Variants in BCAR3 observed in about 807,000 individuals in gnomAD.
BCAR3 encodes the protein breast cancer anti-estrogen resistance protein 3.
In BCAR3, 37 loss-of-function variants were observed where a neutral mutation model predicts 80.1. The observed-to-expected ratio is 0.46, with a 90% CI of 0.36 to 0.61. The LOEUF (loss-of-function observed/expected upper bound fraction) is 0.61, where lower values mean the gene tolerates loss of function less well. Ranked by LOEUF, BCAR3 falls within the 20% of genes least tolerant of loss-of-function variation. The pLI is 0.00. For synonymous variants in BCAR3, 389 were observed against 418.9 expected (o/e 0.93, Z 0.87); for missense variants, 978 against 1,068.2 (o/e 0.92, Z 1.18).
rs573828185 is a variant in BCAR3 at position 93,693,673 on chromosome 1, C to A, written c.-12+12419G>T. On this transcript the variant is annotated intron_variant, in intron 3 of 13. Coordinates refer to the BCAR3 transcript ENST00000370244. ...AGGTGGTCCTTTAAAACACTTTATA[C>A]AAAAATAATATTATACTGTTACCAC... Among the ~76,000 whole-genome samples the A allele has an allele frequency of 1.3e-3, 197 of 152,272 alleles. 4 individuals are homozygous for A. Among genetic ancestry groups the A allele is most frequent in the Non-Finnish European group, 2.2e-4 (15 of 68,010 alleles).
rs1317644525 is a variant in BCAR3, at chr1:93,641,117, C to A, written c.357+1187G>T. Among the ~76,000 whole-genome samples, 4 of 152,324 alleles carry A rather than the reference C, an allele frequency of 2.6e-5. No individual in the cohort carries two copies. The East Asian group carries it at 7.7e-4, about 29-fold the overall frequency. ...CTGCAGGTTTAGGATTATACATTTTCTCCCATGAAAACACAGCTCAGTTGT... is the reference window on the plus strand; with the variant it reads ...CTGCAGGTTTAGGATTATACATTTTATCCCATGAAAACACAGCTCAGTTGT... On this transcript the variant is annotated intron_variant, in intron 3 of 11. Coordinates refer to ENST00000260502, the MANE Select transcript of BCAR3 (RefSeq NM_003567.4).
At position 93,606,927 on chromosome 1, in the gene BCAR3, T is replaced by G. The variant is rs76063665; in HGVS notation, c.358-14534A>C. ...AGTGCTGCAGAGAGTTCCAATCATA[T>G]CAGAATTGGACAGCATCCGCTGCAC... On this transcript the variant is annotated intron_variant, in intron 3 of 11. Transcript: ENST00000260502. 6.9e-3 allele frequency among the ~76,000 whole-genome samples: 1,046 copies of G among 152,242 alleles called. 13 individuals are homozygous for G. The highest frequency in any genetic ancestry group is 0.023 in the African/African-American group (960 of 41,522).
chr1:93,807,654 C>T (rs1653701222), intron 2 of BCAR3, among the ~76,000 whole-genome samples: 1 of 152,148 alleles, frequency 6.6e-6, no homozygotes, highest in Admixed American at 6.5e-5. Context: ...TTTCTTCTCT[C>T]CAGTGGTTAA....
At chr1:93,805,220 G>C (rs569863975) in intron 2 of BCAR3, among the ~76,000 whole-genome samples, 1 of 152,294 alleles carries the variant, frequency 6.6e-6, no homozygotes, top group East Asian at 1.9e-4. Flanking sequence ...CTGCTTTATA[G>C]AGATTTCAAC....
chr1:93,693,399 G>A lies in BCAR3; in HGVS notation c.-12+12693C>T, dbSNP rs550102261. ...CCTTGAGTGATCTCCATGTGACCTC[G>A]TCTGTCTCAGGTTCATGAACATGAA... On this transcript the variant is annotated intron_variant, in intron 3 of 13. Coordinates refer to the BCAR3 transcript ENST00000370244. Among the ~76,000 whole-genome samples, 181 of 152,232 alleles carry A rather than the reference G, an allele frequency of 1.2e-3. 1 individual carries two copies. The highest frequency in any genetic ancestry group is 2.1e-3 in the Non-Finnish European group (140 of 68,016).
Position 93,592,192 on chromosome 1 carries a change from AC to A in BCAR3, c.486+72del. ...TCCGCCCATGTGGCCTCGGAGTGGG[AC>A]CCTGCGGGTCATCAATCTGTACATT... On this transcript the variant is annotated intron_variant, in intron 4 of 11. Transcript: ENST00000260502. The surrounding 1 kb of genome is among the most constrained non-coding windows in gnomAD (Gnocchi z 4.8). 3 of 1,594,298 alleles carry A rather than the reference AC, an allele frequency of 1.9e-6. No homozygotes were observed. The highest frequency in any genetic ancestry group is 2.6e-6 in the Non-Finnish European group (3 of 1,172,888).
At position 93,726,112 on chromosome 1, in the gene BCAR3, G is replaced by A. The variant is rs1020959450; in HGVS notation, c.-62-19970C>T. 2.6e-5 allele frequency among the ~76,000 whole-genome samples: 4 copies of A among 151,596 alleles called. No individual in the cohort carries two copies. The East Asian group carries it at 5.8e-4, about 22-fold the overall frequency. On this transcript the variant is annotated intron_variant, in intron 2 of 13. Transcript: ENST00000370244. The stretch of plus-strand genomic sequence containing the variant: ...GACAGGGTGTCACTCAGTTGCCCAC[G>A]CTGGAGTGCAGTGGCAAACACAGCT...
At chr1:93,688,071 G>A (rs993479507) in intron 3 of BCAR3, among the ~76,000 whole-genome samples, 1 of 152,188 alleles carries the variant, frequency 6.6e-6, no homozygotes, top group African/African-American at 2.4e-5. Flanking sequence ...TTACCCTCTA[G>A]GTGCCTGCCC....
At chr1:93,832,994 C>G (rs1654627074) in intron 2 of BCAR3, among the ~76,000 whole-genome samples, 3 of 152,092 alleles carry the variant, frequency 2.0e-5, no homozygotes, top group Admixed American at 1.3e-4. Context: ...ATGATGCCCC[C>G]CTTACCATCC....
intron 2 of BCAR3, among the ~76,000 whole-genome samples, chr1:93,657,950 CTTTT>C (rs748626236): frequency 1.4e-5 from 2 of 138,558 alleles, no homozygotes. Context: ...GTTACTGCTT[CTTTT>C]TTTTTTTTTT....
chr1:93,650,935 A>AG (rs990768010), intron 2 of BCAR3, among the ~76,000 whole-genome samples: 28 of 152,222 alleles, frequency 1.8e-4, no homozygotes, highest in African/African-American at 6.3e-4. Flanking sequence ...CTACATTGAC[A>AG]GAAGATTAAA....
intron 2 of BCAR3, among the ~76,000 whole-genome samples, chr1:93,805,248 A>T (rs1653618583): frequency 6.6e-6 from 1 of 152,238 alleles, no homozygotes; most frequent in South Asian, 2.1e-4. Context: ...TTGGAAACAG[A>T]AATAGATGTA....
intron 2 of BCAR3, among the ~76,000 whole-genome samples, chr1:93,747,120 C>T (rs1651385966): frequency 6.6e-6 from 1 of 152,214 alleles, no homozygotes; most frequent in African/African-American, 2.4e-5. Context: ...TCTTTGAAGT[C>T]TCCACCTTAA....
chr1:93,578,690 G>A (rs1290769871), intron 7 of BCAR3, among the ~76,000 whole-genome samples: 3 of 152,090 alleles, frequency 2.0e-5, no homozygotes, highest in Non-Finnish European at 4.4e-5. Context: ...TTTCCCACCT[G>A]GGTTGTGGCC....
chr1:93,684,190 C>T (rs916893786), upstream of BCAR3, among the ~76,000 whole-genome samples: 4 of 152,046 alleles, frequency 2.6e-5, no homozygotes, highest in South Asian at 2.1e-4. Flanking sequence ...TCGAAGTATC[C>T]GAAATTCATT....
At chr1:93,658,701 G>A (rs1647506648) in intron 2 of BCAR3, among the ~76,000 whole-genome samples, 1 of 152,148 alleles carries the variant, frequency 6.6e-6, no homozygotes, top group South Asian at 2.1e-4. Context: ...AAAGCGCTAT[G>A]CAAAAACCTT....
chr1:93,767,342 T>C (rs1652190070), intron 2 of BCAR3, among the ~76,000 whole-genome samples: 1 of 152,060 alleles, frequency 6.6e-6, no homozygotes, highest in Non-Finnish European at 1.5e-5. Flanking sequence ...GGGCAACATG[T>C]TGAAATTCCA....
At chr1:93,615,177 G>C (rs1044404058) in intron 3 of BCAR3, among the ~76,000 whole-genome samples, 3 of 152,066 alleles carry the variant, frequency 2.0e-5, no homozygotes, top group African/African-American at 7.3e-5. Flanking sequence ...GAAGAAACAA[G>C]ATCTATTCAG....
At chr1:93,601,541 A>G (rs1230659569) in intron 3 of BCAR3, among the ~76,000 whole-genome samples, 1 of 152,248 alleles carries the variant, frequency 6.6e-6, no homozygotes, top group Non-Finnish European at 1.5e-5. Flanking sequence ...GGTGGCTCAC[A>G]TATCCACAAA....
Sources: allele counts gnomAD v4.1 joint callset (sites outside exome capture counted in the v4.1 genomes callset), GRCh38; gene constraint gnomAD v4.1.1; non-coding constraint Gnocchi (gnomAD v3.1); transcripts MANE v1.5; gene names NCBI Gene and HGNC (gene_info 2026-07-23, HGNC 2026-07-21).